The following NIPBL variants were observed in gnomAD, a reference collection of about 807,000 sequenced individuals.
The protein encoded by NIPBL is NIPBL cohesin loading factor, also known as nipped-B-like protein.
NIPBL carries 19 observed loss-of-function variants against 321.8 expected under a neutral mutation model. That is an observed-to-expected ratio of 0.06 (90% confidence interval 0.04 to 0.09). The LOEUF (loss-of-function observed/expected upper bound fraction) is 0.09, where lower values mean the gene tolerates loss of function less well. Ranked by LOEUF, NIPBL falls within the 10% of genes least tolerant of loss-of-function variation. The pLI is 1.00. For missense variants in NIPBL, 2,210 were observed against 3,327.0 expected, an observed-to-expected ratio of 0.66 and a Z score of 8.26; for synonymous variants, 1,106 against 1,114.1, an observed-to-expected ratio of 0.99 and a Z score of 0.14.
rs1742790954 is a variant in NIPBL at position 36,970,988 on chromosome 5, T to C, written c.723T>C (p.His241=). ...SANHHADNPR[H]GSSEDYLHMV... Reference sequence around the variant, plus strand: ...ATCATCATGCTGATAATCCTAGACATGGTTCAAGTGAGGACTACCTACACA... The same window carrying C: ...ATCATCATGCTGATAATCCTAGACACGGTTCAAGTGAGGACTACCTACACA... Residue 241 remains histidine (H), a synonymous_variant, in exon 7 of 47, where the codon CAT becomes CAC. Coordinates refer to ENST00000282516, the MANE Select transcript of NIPBL (RefSeq NM_133433.4). The C allele has an allele frequency of 6.2e-7, 1 of 1,613,756 alleles. No homozygotes were observed.
At chr5:37,032,811 G>T (rs1474398510) in intron 32 of NIPBL, among the ~76,000 whole-genome samples, 1 of 152,126 alleles carries the variant, frequency 6.6e-6, no homozygotes, top group African/African-American at 2.4e-5. Context: ...GAATCTAGAT[G>T]ATGGTCGTTA....
chr5:36,963,071 TCTTA>T (rs1009857452), intron 6 of NIPBL, among the ~76,000 whole-genome samples: 9 of 152,116 alleles, frequency 5.9e-5, no homozygotes, highest in South Asian at 4.1e-4. Context: ...AATTACCAGT[TCTTA>T]CTTGATTACT....
At chr5:36,894,160 C>T (rs1460134927) in intron 1 of NIPBL, among the ~76,000 whole-genome samples, 1 of 151,908 alleles carries the variant, frequency 6.6e-6, no homozygotes, top group South Asian at 2.1e-4. Context: ...AATATATTTC[C>T]AAATGAAAAT....
rs775238155 is a variant in NIPBL at position 36,985,861 on chromosome 5, G to T, written c.2681G>T (p.Arg894Leu). 2 of 1,613,824 alleles carry T rather than the reference G, an allele frequency of 1.2e-6. No homozygotes were observed. The highest frequency in any genetic ancestry group is 3.3e-5 in the Admixed American group (2 of 59,886). The change falls in exon 10 of 47, where the codon CGT (arginine) becomes CTT (leucine). Residue 894 changes from arginine to leucine, a missense_variant. This residue lies in a region of NIPBL where 588 missense variants were observed against 564.1 expected (regional missense o/e 1.04). Transcript: ENST00000282516. ...GEQKSRPDSP[R>L]VKQGDSNKSR... ...CAAAAATCAAGACCTGACAGTCCTC[G>T]TGTTAAACAAGGAGATTCTAATAAA... is the stretch of plus-strand genomic sequence containing the variant.
At chr5:37,002,516 G>C in intron 14 of NIPBL, 146 bp from the exon 15 acceptor site, 1 of 653,130 alleles carries the variant, frequency 1.5e-6, no homozygotes, top group South Asian at 1.7e-5. Flanking sequence ...TTCATTCAGG[G>C]TTTACTTGAG....
At chr5:37,060,713 A>G (rs1007053629) in intron 44 of NIPBL, 131 bp from the exon 45 acceptor site, 31 of 782,002 alleles carry the variant, frequency 4.0e-5, no homozygotes, top group Non-Finnish European at 5.9e-5. Context: ...CTGTCCTAGG[A>G]TCACAATAGT....
intron 1 of NIPBL, among the ~76,000 whole-genome samples, chr5:36,906,236 T>C (rs773235556): frequency 2.0e-5 from 3 of 152,184 alleles, no homozygotes; most frequent in Non-Finnish European, 4.4e-5. Flanking sequence ...ATATGTAATA[T>C]GTAGTATATA....
At chr5:36,988,759 G>A (rs893117604) in intron 10 of NIPBL, among the ~76,000 whole-genome samples, 9 of 151,764 alleles carry the variant, frequency 5.9e-5, no homozygotes, top group African/African-American at 7.3e-5. Flanking sequence ...TGGTTCCTAG[G>A]GCCAAAATTG....
chr5:37,064,308 G>C (rs1755152162), intron 46 of NIPBL: 1 of 1,412,484 alleles, frequency 7.1e-7, no homozygotes, highest in Non-Finnish European at 9.2e-7. Context: ...ATATCAATAA[G>C]AGTAAAGACA....
At chr5:36,891,762 A>G (rs1177214706) in intron 1 of NIPBL, among the ~76,000 whole-genome samples, 1 of 152,112 alleles carries the variant, frequency 6.6e-6, no homozygotes, top group Non-Finnish European at 1.5e-5. Flanking sequence ...AAATTTTTGG[A>G]TAGTAGGCAG....
chr5:36,943,950 G>A (rs1739386844), intron 1 of NIPBL, among the ~76,000 whole-genome samples: 1 of 152,122 alleles, frequency 6.6e-6, no homozygotes, highest in African/African-American at 2.4e-5. Flanking sequence ...GCTAACTGTG[G>A]CAAGATATTT....
At chr5:36,966,573 T>A (rs1177733020) in intron 6 of NIPBL, among the ~76,000 whole-genome samples, 1 of 152,114 alleles carries the variant, frequency 6.6e-6, no homozygotes, top group Non-Finnish European at 1.5e-5. Flanking sequence ...ATCTGTGGGA[T>A]GATACTTTGA....
intron 33 of NIPBL, among the ~76,000 whole-genome samples, chr5:37,038,359 T>C (rs2149721025): frequency 6.6e-6 from 1 of 152,258 alleles, no homozygotes. Context: ...CCAATTTCCA[T>C]TAGTATAAAA....
At chr5:37,033,966 A>T (rs2149714852) in intron 32 of NIPBL, among the ~76,000 whole-genome samples, 1 of 152,024 alleles carries the variant, frequency 6.6e-6, no homozygotes, top group Non-Finnish European at 1.5e-5. Flanking sequence ...TACAAGTCAC[A>T]AAATGGGAAA....
At chr5:36,933,041 G>T (rs911969064) in intron 1 of NIPBL, among the ~76,000 whole-genome samples, 12 of 151,896 alleles carry the variant, frequency 7.9e-5, no homozygotes, top group African/African-American at 2.9e-4. Context: ...GGAGGTTACT[G>T]TAGGGATTAC....
intron 1 of NIPBL, among the ~76,000 whole-genome samples, chr5:36,949,023 G>C (rs1295789213): frequency 6.6e-6 from 1 of 151,834 alleles, no homozygotes; most frequent in Non-Finnish European, 1.5e-5. Flanking sequence ...AGATGCAGAA[G>C]AATATATAAC....
At position 36,985,488 on chromosome 5, in the gene NIPBL, A is replaced by G; in HGVS notation, c.2308A>G (p.Lys770Glu). 1 of 1,613,756 alleles carries G rather than the reference A, an allele frequency of 6.2e-7. No homozygotes were observed. Among genetic ancestry groups the G allele is most frequent in the Non-Finnish European group, 8.5e-7 (1 of 1,179,960 alleles). The part of the protein sequence containing the change: ...HRHDNRRDSG[K>E]PSTEKKPEVS... ...GCATGACAATAGGAGGGATTCTGGA[A>G]AGCCATCTACAGAGAAAAAACCTGA... is the stretch of plus-strand genomic sequence containing the variant. Residue 770 changes from lysine to glutamate, a missense_variant, in exon 10 of 47, where the codon AAG (lysine) becomes GAG (glutamate). This residue lies in a region of NIPBL where 588 missense variants were observed against 564.1 expected (regional missense o/e 1.04). Transcript: ENST00000282516.
rs1434177039 is a variant in NIPBL at position 37,045,534 on chromosome 5, C to T, written c.6435C>T (p.Phe2145=). 6.2e-7 allele frequency: 1 copy of T among 1,614,046 alleles called. No individual in the cohort carries two copies. Among genetic ancestry groups the T allele is most frequent in the East Asian group, 2.2e-5 (1 of 44,874 alleles). ...TNKPALLRSL[F]TVGALCRHFD... ...AACCAGCACTTCTTAGATCCCTTTT[C>T]ACCGTTGGAGCACTATGTCGGCATT... Residue 2145 remains phenylalanine (F), a synonymous_variant, in exon 37 of 47, where the codon TTC becomes TTT. Coordinates refer to ENST00000282516, the MANE Select transcript of NIPBL (RefSeq NM_133433.4).
Position 37,057,290 on chromosome 5 carries a change from A to C in NIPBL, c.7368A>C (p.Thr2456=). ...TTATAATGCATCATATAGACATTAC[A>C]CTCTCAGTTTCTGGTAGTAACCTAC... ...PLFIMHHIDI[T]LSVSGSNLLQ... is the part of the protein sequence containing the mutation. The change falls in exon 43 of 47, where the codon ACA becomes ACC. Residue 2456 remains threonine (T), a synonymous_variant. Transcript: ENST00000282516. 6.2e-7 allele frequency: 1 copy of C among 1,613,812 alleles called. No homozygotes were observed. The highest frequency in any genetic ancestry group is 8.5e-7 in the Non-Finnish European group (1 of 1,179,802).
Sources: allele counts gnomAD v4.1 joint callset (sites outside exome capture counted in the v4.1 genomes callset), GRCh38; gene constraint gnomAD v4.1.1; regional missense constraint gnomAD v4.1.1; transcripts MANE v1.5; gene names NCBI Gene and HGNC (gene_info 2026-07-23, HGNC 2026-07-21).